MGAT5: variants seen among roughly 807,000 people sequenced by gnomAD.
The protein encoded by MGAT5 is alpha-1,6-mannosylglycoprotein 6-beta-N-acetylglucosaminyltransferase, also known as alpha-1,6-mannosylglycoprotein 6-beta-N-acetylglucosaminyltransferase A.
MGAT5 carries 30 observed loss-of-function variants against 94.3 expected under a neutral mutation model. That is an observed-to-expected ratio of 0.32 (90% CI 0.24 to 0.43). MGAT5 has a LOEUF of 0.43. Among genes scored for constraint, MGAT5 ranks in the 20% least tolerant of loss-of-function variants. The probability of loss-of-function intolerance (pLI) is 1.00; values close to 1 mark genes in which losing one functional copy is unlikely to be tolerated. For missense variants in MGAT5, 691 were observed against 905.5 expected, an observed-to-expected ratio of 0.76 and a Z score of 3.04; for synonymous variants, 310 against 322.9, an observed-to-expected ratio of 0.96 and a Z score of 0.43.
intron 9 of MGAT5, 43 bp downstream of exon 9, chr2:134,349,981 A>G (rs1041010562): frequency 4.4e-6 from 7 of 1,606,970 alleles, no homozygotes; most frequent in Non-Finnish European, 5.1e-6. Flanking sequence ...AATGCCACCA[A>G]AGATAGATGG....
At chr2:134,311,227 A>G (rs1015409430) in intron 2 of MGAT5, among the ~76,000 whole-genome samples, 5 of 152,172 alleles carry the variant, frequency 3.3e-5, no homozygotes, top group Non-Finnish European at 5.9e-5. Context: ...GGTTTCTGAG[A>G]GTTTTTATAA....
intron 6 of MGAT5, among the ~76,000 whole-genome samples, chr2:134,340,469 C>G (rs562872019): frequency 6.6e-6 from 1 of 152,042 alleles, no homozygotes; most frequent in Non-Finnish European, 1.5e-5. Flanking sequence ...GAGGAATATC[C>G]ACAATATTTT....
intron 7 of MGAT5, among the ~76,000 whole-genome samples, 194 bp downstream of exon 7, chr2:134,341,953 C>T (rs992678146): frequency 2.6e-5 from 4 of 152,134 alleles, no homozygotes; most frequent in South Asian, 2.1e-4. Flanking sequence ...TTTTCATTGT[C>T]GCTGAAGGCT....
intron 11 of MGAT5, among the ~76,000 whole-genome samples, chr2:134,405,507 A>T (rs1188745556): frequency 6.6e-6 from 1 of 152,162 alleles, no homozygotes; most frequent in Admixed American, 6.5e-5. Flanking sequence ...GACATGAAAG[A>T]CCAGTCAGGC....
At chr2:134,429,469 C>T (rs562534) in intron 14 of MGAT5, among the ~76,000 whole-genome samples, 144,871 of 152,268 alleles carry the variant, frequency 0.95, 68,994 homozygotes, top group East Asian at 1. Flanking sequence ...TTTCTAGTTA[C>T]ATGACTTGGG....
upstream of MGAT5, among the ~76,000 whole-genome samples, chr2:134,252,514 G>A (rs1414307573): frequency 6.6e-6 from 1 of 152,154 alleles, no homozygotes; most frequent in Admixed American, 6.5e-5. Context: ...GAATCACCTC[G>A]AGGCTTGTTA....
intron 1 of MGAT5, among the ~76,000 whole-genome samples, chr2:134,162,730 A>G (rs1687793292): frequency 6.6e-6 from 1 of 152,238 alleles, no homozygotes; most frequent in South Asian, 2.1e-4. Context: ...AGGGGTAGAA[A>G]TAACATGTTT....
chr2:134,338,361 A>G lies in MGAT5; in HGVS notation c.748A>G (p.Ile250Val). 6.2e-7 allele frequency: 1 copy of G among 1,612,854 alleles called. No homozygotes were observed. The highest frequency in any genetic ancestry group is 1.7e-4 in the Middle Eastern group (1 of 6,054). Residue 250 changes from isoleucine to valine, a missense_variant, in exon 6 of 16, where the codon ATC (isoleucine) becomes GTC (valine). Physicochemically the swap from Ile to Val is conservative, Grantham distance 29 (BLOSUM62 3). Transcript: ENST00000281923. Reference sequence around the variant, plus strand: ...GATCCGGCGAATGGCTGACGCATGGATCCAAGCAATCAAGTCCCTGGCAGA... The same window carrying G: ...GATCCGGCGAATGGCTGACGCATGGGTCCAAGCAATCAAGTCCCTGGCAGA... ...LRIRRMADAW[I>V]QAIKSLAEKQ...
Position 134,366,379 on chromosome 2 carries a change from T to G in MGAT5, c.1380+3971T>G, listed in dbSNP as rs139074283. Among the ~76,000 whole-genome samples the G allele has an allele frequency of 6.4e-3, 974 of 152,358 alleles. 10 individuals are homozygous for G. Among genetic ancestry groups the G allele is most frequent in the African/African-American group, 0.022 (934 of 41,584 alleles). On this transcript the variant is annotated intron_variant, in intron 10 of 15. Transcript: ENST00000281923. ...ATAGTATACTGAGCATAACTGAATC[T>G]TCAAGTGATGGTGCAGGGTTAGTAT...
chr2:134,162,255 T>C (rs1687771777), intron 1 of MGAT5, among the ~76,000 whole-genome samples: 1 of 152,096 alleles, frequency 6.6e-6, no homozygotes, highest in Admixed American at 6.5e-5. Flanking sequence ...CAGCTCACCA[T>C]GTAATTTTCT....
intron 11 of MGAT5, among the ~76,000 whole-genome samples, chr2:134,405,773 C>T (rs973084177): frequency 6.6e-6 from 1 of 152,196 alleles, no homozygotes; most frequent in African/African-American, 2.4e-5. Context: ...TTTTTCTTTA[C>T]AAGCCATCTT....
At chr2:134,374,808 C>A (rs1043944507) in intron 10 of MGAT5, among the ~76,000 whole-genome samples, 5 of 152,130 alleles carry the variant, frequency 3.3e-5, no homozygotes, top group East Asian at 3.9e-4. Context: ...GCCTGGGCAA[C>A]CTGGCGAAAC....
At chr2:134,401,830 C>T (rs1333344784) in intron 10 of MGAT5, among the ~76,000 whole-genome samples, 1 of 152,064 alleles carries the variant, frequency 6.6e-6, no homozygotes, top group African/African-American at 2.4e-5. Flanking sequence ...TTTTCCCAGT[C>T]ATGAAGACTT....
rs199827217 is a variant in MGAT5, at chr2:134,264,026, T to TA, written c.242-6360_242-6359insA. On this transcript the variant is annotated intron_variant, in intron 1 of 15. Transcript: ENST00000281923. ...TTCCTTATGCCATTAGGTTTTTTTT[T>TA]TTTTTTTTTTTTTGAGATGGAGTTT... Among the ~76,000 whole-genome samples the TA allele has an allele frequency of 2.8e-3, 361 of 129,022 alleles. 4 individuals carry two copies. Among genetic ancestry groups the TA allele is most frequent in the African/African-American group, 9.8e-3 (314 of 32,114 alleles). 84.6% of individuals were successfully genotyped at this position (129,022 alleles called of 152,430 possible).
In MGAT5 at chr2:134,365,936, C is replaced by T. The variant is rs144151097; in HGVS notation, c.1380+3528C>T. The stretch of plus-strand genomic sequence containing the variant: ...TGACCAAGGTACTCAATGGTCTTGT[C>T]GTGATGTTATAGTACATGGTGGGGA... On this transcript the variant is annotated intron_variant, in intron 10 of 15. Transcript: ENST00000281923. Among the ~76,000 whole-genome samples, 226 of 152,114 alleles carry T rather than the reference C, an allele frequency of 1.5e-3. 1 individual carries two copies. The highest frequency in any genetic ancestry group is 5.2e-3 in the African/African-American group (216 of 41,482).
intron 2 of MGAT5, among the ~76,000 whole-genome samples, chr2:134,293,791 C>G (rs1262553968): frequency 6.6e-6 from 1 of 152,156 alleles, no homozygotes; most frequent in Non-Finnish European, 1.5e-5. Flanking sequence ...ATTTTGATAG[C>G]AGCCAAACCC....
chr2:134,362,237 T>C, intron 9 of MGAT5, 38 bp from the exon 10 acceptor site: 1 of 1,597,232 alleles, frequency 6.3e-7, no homozygotes, highest in Non-Finnish European at 8.5e-7. Flanking sequence ...TCTTGCTGAT[T>C]GGACACTAAC....
chr2:134,227,307 GA>G (rs1273494113), intron 1 of MGAT5, among the ~76,000 whole-genome samples: 1 of 152,124 alleles, frequency 6.6e-6, no homozygotes, highest in Non-Finnish European at 1.5e-5. Flanking sequence ...TGTCTTTGGG[GA>G]AACAAATAGT....
intron 2 of MGAT5, among the ~76,000 whole-genome samples, chr2:134,273,005 G>C (rs13413218): frequency 0.029 from 4,305 of 151,040 alleles, 218 homozygotes; most frequent in African/African-American, 0.097. Context: ...ATGTGTGTGT[G>C]TGTCTGTGTG....
Sources: gnomAD v4.1 joint callset for allele counts (sites outside exome capture counted in the v4.1 genomes callset) on GRCh38, gnomAD v4.1.1 for gene constraint, MANE v1.5 for transcripts, NCBI Gene and HGNC (gene_info 2026-07-23, HGNC 2026-07-21) for gene names.